Variants in C12orf42 observed in about 807,000 individuals in gnomAD.
The protein encoded by C12orf42 is chromosome 12 open reading frame 42.
In C12orf42, 25 loss-of-function variants were observed where a neutral mutation model predicts 21.6. The observed-to-expected ratio is 1.16, with a 90% CI of 0.84 to 1.62. The LOEUF is 1.62. Ranked by LOEUF, C12orf42 falls within the 40% of genes most tolerant of loss-of-function variation. The probability of loss-of-function intolerance (pLI) is 0.00; values close to 1 mark genes in which losing one functional copy is unlikely to be tolerated. For synonymous variants in C12orf42, 174 were observed against 175.0 expected, an observed-to-expected ratio of 0.99 and a Z score of 0.05; for missense variants, 483 against 459.3, an observed-to-expected ratio of 1.05 and a Z score of -0.47.
the C12orf42 span, among the ~76,000 whole-genome samples, chr12:103,229,633 C>A: frequency 2.0e-5 from 3 of 152,180 alleles, no homozygotes; most frequent in Admixed American, 6.5e-5. Context: ...TCTGAAGTCC[C>A]TTGTGTTTCC....
the C12orf42 span, among the ~76,000 whole-genome samples, chr12:103,067,779 T>G: frequency 7.0e-4 from 106 of 152,226 alleles, no homozygotes; most frequent in African/African-American, 2.6e-3. Flanking sequence ...GATTGCCACC[T>G]GGACACTTTG....
In C12orf42 at chr12:103,302,417, G is replaced by A. The variant is rs189742644; in HGVS notation, c.774C>T (p.Pro258=). 79 of 1,613,900 alleles carry A rather than the reference G, an allele frequency of 4.9e-5. No individual in the cohort carries two copies. The highest frequency in any genetic ancestry group is 1.7e-4 in the African/African-American group (13 of 75,024). The stretch of plus-strand genomic sequence containing the variant: ...CCAGGAGTCTGCTTTGGATGTCGTC[G>A]GGGTGTGCCTGAGCGCCTGCTGGGA... ...MAVPAGAQAH[P]DDIQSRLLGA... is the part of the protein sequence containing the mutation. The change falls in exon 6 of 6, where the codon CCC becomes CCT. Residue 258 remains proline, a synonymous_variant. Coordinates refer to ENST00000548883, the MANE Select transcript of C12orf42 (RefSeq NM_198521.5).
At chr12:103,054,970 T>C in the C12orf42 span, among the ~76,000 whole-genome samples, 23,069 of 151,816 alleles carry the variant, frequency 0.15, 2,238 homozygotes, top group East Asian at 0.51. Context: ...CTACTATTTG[T>C]TTATATTTTC....
chr12:103,544,213 G>A, the C12orf42 span, among the ~76,000 whole-genome samples: 1 of 152,050 alleles, frequency 6.6e-6, no homozygotes, highest in African/African-American at 2.4e-5. Context: ...TCTCTTGGTA[G>A]CAAATTTCTT....
chr12:103,337,718 A>G (rs1222141776), intron 4 of C12orf42, among the ~76,000 whole-genome samples: 1 of 152,104 alleles, frequency 6.6e-6, no homozygotes, highest in Non-Finnish European at 1.5e-5. Context: ...AGCCACACAC[A>G]TCCTTGTATG....
chr12:103,156,950 T>C, the C12orf42 span, among the ~76,000 whole-genome samples: 4 of 152,300 alleles, frequency 2.6e-5, no homozygotes, highest in Non-Finnish European at 5.9e-5. Flanking sequence ...TGCATGTGCC[T>C]TTATAGTAGA....
At chr12:103,437,690 C>G (rs1405067537) in intron 2 of C12orf42, among the ~76,000 whole-genome samples, 1 of 151,020 alleles carries the variant, frequency 6.6e-6, no homozygotes, top group Non-Finnish European at 1.5e-5. Flanking sequence ...ATACACTCTC[C>G]CAAAACTAAA....
the C12orf42 span, among the ~76,000 whole-genome samples, chr12:103,213,739 C>T: frequency 6.6e-6 from 1 of 152,208 alleles, no homozygotes; most frequent in African/African-American, 2.4e-5. Context: ...CTGAGAAAAA[C>T]TCACCAGAAA....
intron 2 of C12orf42, among the ~76,000 whole-genome samples, chr12:103,444,867 T>C (rs926758240): frequency 6.6e-6 from 1 of 152,088 alleles, no homozygotes; most frequent in Non-Finnish European, 1.5e-5. Flanking sequence ...CATTGAAATC[T>C]ATTTTACCTT....
intron 2 of C12orf42, among the ~76,000 whole-genome samples, chr12:103,418,498 CT>C (rs1172975690): frequency 2.0e-5 from 3 of 151,674 alleles, no homozygotes; most frequent in Admixed American, 2.0e-4. Context: ...TGGAAGCAAA[CT>C]TTTTTTTAAC....
chr12:103,540,481 C>T, the C12orf42 span, among the ~76,000 whole-genome samples: 111 of 152,248 alleles, frequency 7.3e-4, no homozygotes, highest in African/African-American at 2.5e-3. Context: ...GGGTATGTTG[C>T]TAGGCGAATA....
At chr12:103,198,805 C>T in the C12orf42 span, among the ~76,000 whole-genome samples, 1 of 152,136 alleles carries the variant, frequency 6.6e-6, no homozygotes, top group Non-Finnish European at 1.5e-5. Context: ...CCCCCATGAT[C>T]CCAGGATCTG....
chr12:103,053,668 C>G, the C12orf42 span, among the ~76,000 whole-genome samples: 1 of 151,892 alleles, frequency 6.6e-6, no homozygotes, highest in Admixed American at 6.6e-5. Flanking sequence ...AAAAACTCCA[C>G]CAAGTCTCAA....
the C12orf42 span, among the ~76,000 whole-genome samples, chr12:103,218,032 A>G: frequency 2.0e-5 from 3 of 152,198 alleles, no homozygotes; most frequent in Non-Finnish European, 4.4e-5. Flanking sequence ...CTGTAATCCC[A>G]GCATTTTGGG....
chr12:103,146,564 G>A, the C12orf42 span, among the ~76,000 whole-genome samples: 2 of 96,188 alleles, frequency 2.1e-5, no homozygotes, highest in African/African-American at 5.0e-5. Flanking sequence ...AGAAAGAAAA[G>A]AAAGAAAGAA....
the C12orf42 span, among the ~76,000 whole-genome samples, chr12:103,084,288 G>A: frequency 3.3e-5 from 5 of 152,142 alleles, no homozygotes; most frequent in Non-Finnish European, 5.9e-5. Context: ...TGACAAAATG[G>A]TTTTCCCTCC....
At chr12:103,282,448 T>C (rs993733574) in intron 4 of C12orf42, among the ~76,000 whole-genome samples, 4 of 152,188 alleles carry the variant, frequency 2.6e-5, no homozygotes, top group African/African-American at 9.7e-5. Flanking sequence ...ATACTTACCG[T>C]TGTGTTGTAA....
At chr12:103,284,050 G>C (rs574681820) in intron 4 of C12orf42, among the ~76,000 whole-genome samples, 1 of 152,246 alleles carries the variant, frequency 6.6e-6, no homozygotes, top group South Asian at 2.1e-4. Context: ...TTGAGTGGCA[G>C]AATCTTGTCA....
At chr12:103,101,486 T>G in the C12orf42 span, among the ~76,000 whole-genome samples, 2 of 152,156 alleles carry the variant, frequency 1.3e-5, no homozygotes, top group African/African-American at 4.8e-5. Context: ...CATCAAGAAA[T>G]TGACATCTTG....
Sources: gnomAD v4.1 joint callset for allele counts (sites outside exome capture counted in the v4.1 genomes callset) on GRCh38, gnomAD v4.1.1 for gene constraint, MANE v1.5 for transcripts, NCBI Gene and HGNC (gene_info 2026-07-23, HGNC 2026-07-21) for gene names.